Variants in ZNF536 observed in about 807,000 individuals in gnomAD.
ZNF536 encodes zinc finger protein 536.
A neutral mutation model predicts 84.5 loss-of-function variants in ZNF536; 13 were observed. The ratio of observed to expected loss-of-function variants is 0.15; its 90% CI spans 0.10 to 0.24. The LOEUF (loss-of-function observed/expected upper bound fraction) is 0.24, where lower values mean the gene tolerates loss of function less well. Ranked by LOEUF, ZNF536 falls within the 10% of genes least tolerant of loss-of-function variation. ZNF536 has a pLI of 1.00. For missense variants in ZNF536, 1,536 were observed against 1,747.5 expected, an observed-to-expected ratio of 0.88 and a Z score of 2.16; for synonymous variants, 811 against 742.5, an observed-to-expected ratio of 1.09 and a Z score of -1.50.
At chr19:30,614,659 T>A (rs1366517159) in intron 1 of ZNF536, among the ~76,000 whole-genome samples, 1 of 152,028 alleles carries the variant, frequency 6.6e-6, no homozygotes, top group East Asian at 1.9e-4. Context: ...GAATTGACTT[T>A]TCATCTCATT....
chr19:30,647,248 A>G (rs1432605533), intron 1 of ZNF536, among the ~76,000 whole-genome samples: 5 of 152,082 alleles, frequency 3.3e-5, no homozygotes, highest in Non-Finnish European at 1.5e-5. Context: ...TATCTTCCCC[A>G]CTGCTCAAGT....
rs1450001159 is a variant in ZNF536, at chr19:30,619,711, A to G, written c.169+70197A>G. Among the ~76,000 whole-genome samples, 4 of 152,116 alleles carry G rather than the reference A, an allele frequency of 2.6e-5. No homozygotes were observed. In the East Asian group the frequency reaches 7.7e-4, roughly 29 times the overall value. The stretch of plus-strand genomic sequence containing the variant: ...CACACATGTGATCCACTTATTTCTC[A>G]TGTCTGTCTATATTTATTAATTCCC... On this transcript the variant is annotated intron_variant, in intron 1 of 1. Coordinates refer to the ZNF536 transcript ENST00000592773.
At chr19:30,384,132 C>CG (rs1405166862) in intron 1 of ZNF536, among the ~76,000 whole-genome samples, 16 of 69,820 alleles carry the variant, frequency 2.3e-4, no homozygotes, top group African/African-American at 8.2e-4. Context: ...TTCTTTCTTT[C>CG]TTTCTTTCTT....
intron 2 of ZNF536, among the ~76,000 whole-genome samples, chr19:30,471,170 G>A (rs2053620283): frequency 6.6e-6 from 1 of 152,124 alleles, no homozygotes; most frequent in South Asian, 2.1e-4. Context: ...AGTTATGGGA[G>A]GAAGTTTGTG....
chr19:30,465,143 C>T (rs544655450), intron 2 of ZNF536, among the ~76,000 whole-genome samples: 1 of 152,248 alleles, frequency 6.6e-6, no homozygotes, highest in African/African-American at 2.4e-5. Context: ...CCCACTCTCC[C>T]TGGTCTCACT....
intron 1 of ZNF536, among the ~76,000 whole-genome samples, chr19:30,681,840 C>A (rs1030669637): frequency 6.6e-6 from 1 of 152,166 alleles, no homozygotes; most frequent in Non-Finnish European, 1.5e-5. Flanking sequence ...CTCCGCCACG[C>A]TGGAGAGAAC....
At chr19:30,430,929 G>A (rs1568420778) in intron 1 of ZNF536, among the ~76,000 whole-genome samples, 2 of 152,184 alleles carry the variant, frequency 1.3e-5, no homozygotes, top group South Asian at 2.1e-4. Flanking sequence ...ACCTGCCTTG[G>A]CCTCCCAAAG....
At chr19:30,568,777 G>A (rs1249038755) in intron 1 of ZNF536, among the ~76,000 whole-genome samples, 1 of 152,190 alleles carries the variant, frequency 6.6e-6, no homozygotes, top group Non-Finnish European at 1.5e-5. Context: ...CCCCGGTGAT[G>A]GGGGCAAAGA....
chr19:30,341,891 C>T (rs567648091), intron 2 of ZNF536, among the ~76,000 whole-genome samples: 4 of 152,328 alleles, frequency 2.6e-5, no homozygotes, highest in Admixed American at 6.5e-5. Context: ...AAAGATAGTA[C>T]ATGCTGGGTT....
At chr19:30,622,883 C>A (rs1329591551) in intron 1 of ZNF536, among the ~76,000 whole-genome samples, 1 of 152,070 alleles carries the variant, frequency 6.6e-6, no homozygotes, top group Admixed American at 6.5e-5. Context: ...CTCCTGTATC[C>A]TCCAAGGCAG....
chr19:30,345,853 A>G (rs1454340628), intron 2 of ZNF536, among the ~76,000 whole-genome samples: 4 of 152,198 alleles, frequency 2.6e-5, no homozygotes, highest in Non-Finnish European at 5.9e-5. Flanking sequence ...GCTTGGAATC[A>G]GTGGCAGAGC....
intron 2 of ZNF536, among the ~76,000 whole-genome samples, chr19:30,309,774 A>T (rs912185681): frequency 1.3e-5 from 2 of 152,232 alleles, no homozygotes; most frequent in African/African-American, 4.8e-5. Flanking sequence ...TAAGGGTGGA[A>T]CAATGTTTCC....
At chr19:30,699,684 C>G (rs887065819) in intron 1 of ZNF536, among the ~76,000 whole-genome samples, 1 of 152,182 alleles carries the variant, frequency 6.6e-6, no homozygotes, top group African/African-American at 2.4e-5. Context: ...ATATTTTTAC[C>G]TCTCTCATTG....
chr19:30,561,251 G>T (rs924882463), downstream of ZNF536, among the ~76,000 whole-genome samples: 1 of 152,172 alleles, frequency 6.6e-6, no homozygotes, highest in African/African-American at 2.4e-5. Context: ...CTTGAGTTGG[G>T]ATTTGTCTCT....
chr19:30,284,685 T>C (rs973830978), intron 2 of ZNF536, among the ~76,000 whole-genome samples: 2 of 152,210 alleles, frequency 1.3e-5, no homozygotes, highest in African/African-American at 4.8e-5. Flanking sequence ...GGGTGACATA[T>C]GTATTTGATA....
intron 2 of ZNF536, among the ~76,000 whole-genome samples, chr19:30,457,756 G>A (rs967037199): frequency 2.0e-5 from 3 of 152,206 alleles, no homozygotes; most frequent in Admixed American, 6.5e-5. Flanking sequence ...GAACCTGTGA[G>A]GCCCCACACT....
At chr19:30,508,119 C>A (rs957553682) in intron 2 of ZNF536, among the ~76,000 whole-genome samples, 1 of 152,186 alleles carries the variant, frequency 6.6e-6, no homozygotes, top group Non-Finnish European at 1.5e-5. Flanking sequence ...GGGAATTGCT[C>A]AGCAAAGGGG....
intron 1 of ZNF536, among the ~76,000 whole-genome samples, chr19:30,604,795 C>T (rs368306658): frequency 2.0e-5 from 3 of 152,154 alleles, no homozygotes; most frequent in East Asian, 3.9e-4. Flanking sequence ...TCAGAGAGGG[C>T]GAGTGACTGG....
chr19:30,310,722 G>A (rs1040893024), intron 2 of ZNF536, among the ~76,000 whole-genome samples: 1 of 152,182 alleles, frequency 6.6e-6, no homozygotes, highest in African/African-American at 2.4e-5. Context: ...GAGCCAGCTT[G>A]GAGCTGAGGC....
Sources: gnomAD v4.1 joint callset for allele counts (sites outside exome capture counted in the v4.1 genomes callset) on GRCh38, gnomAD v4.1.1 for gene constraint, MANE v1.5 for transcripts, NCBI Gene and HGNC (gene_info 2026-07-23, HGNC 2026-07-21) for gene names.